Variants in FER1L6 observed in about 807,000 individuals in gnomAD.
FER1L6 encodes the protein fer-1 like family member 6.
FER1L6 carries 177 observed loss-of-function variants against 219.2 expected under a neutral mutation model. The observed-to-expected ratio is 0.81, with a 90% CI of 0.71 to 0.91. The LOEUF is 0.91. Ranked by LOEUF, FER1L6 falls within the 40% of genes least tolerant of loss-of-function variation. The pLI is 0.00. For synonymous variants in FER1L6, 768 were observed against 824.3 expected (o/e 0.93, Z 1.17); for missense variants, 2,153 against 2,259.9 (o/e 0.95, Z 0.96).
Position 123,937,754 on chromosome 8 carries a change from A to G in FER1L6, c.-7-18238A>G, listed in dbSNP as rs564817293. ...CTTTTCAACAAATATTTAAATAATA[A>G]ACTTGCTTCACTTTTTCTATTTTAG... On this transcript the variant is annotated intron_variant, in intron 1 of 40. Transcript: ENST00000522917. Among the ~76,000 whole-genome samples the G allele has an allele frequency of 1.4e-3, 206 of 152,330 alleles. 1 individual carries two copies. Among genetic ancestry groups the G allele is most frequent in the African/African-American group, 4.8e-3 (200 of 41,582 alleles).
At chr8:123,867,473 A>G (rs1291092210) in intron 1 of FER1L6, among the ~76,000 whole-genome samples, 2 of 152,200 alleles carry the variant, frequency 1.3e-5, no homozygotes, top group Non-Finnish European at 2.9e-5. Context: ...TACAAGATGT[A>G]ATAGCGAGTA....
chr8:124,048,172 C>G (rs1819819882), intron 21 of FER1L6, among the ~76,000 whole-genome samples: 1 of 152,230 alleles, frequency 6.6e-6, no homozygotes, highest in Non-Finnish European at 1.5e-5. Flanking sequence ...TCCATCTCAA[C>G]CAAGTTTCCT....
At chr8:123,985,924 T>C in intron 11 of FER1L6, 144 bp from the exon 12 acceptor site, 1 of 602,734 alleles carries the variant, frequency 1.7e-6, no homozygotes, top group Non-Finnish European at 3.0e-6. Flanking sequence ...ATGTCTTATT[T>C]GGGGGGAAAC....
chr8:124,108,705 C>T (rs1266624242), intron 39 of FER1L6, among the ~76,000 whole-genome samples: 4 of 151,364 alleles, frequency 2.6e-5, no homozygotes, highest in Admixed American at 6.6e-5. Context: ...AATGAGACCC[C>T]GTCTCTACAA....
intron 22 of FER1L6, among the ~76,000 whole-genome samples, chr8:124,055,252 G>A (rs916241201): frequency 6.6e-6 from 1 of 152,080 alleles, no homozygotes; most frequent in African/African-American, 2.4e-5. Flanking sequence ...CAGCCTAGGC[G>A]ATATGGCGAG....
intron 31 of FER1L6, among the ~76,000 whole-genome samples, chr8:124,073,812 TAAAC>T (rs1821173405): frequency 6.6e-6 from 1 of 152,168 alleles, no homozygotes; most frequent in Non-Finnish European, 1.5e-5. Context: ...AGATATAAAA[TAAAC>T]AAAGGAACGG....
At position 123,870,855 on chromosome 8, in the gene FER1L6, A is replaced by G. The variant is rs547821131; in HGVS notation, c.-8+18670A>G. Among the ~76,000 whole-genome samples the G allele has an allele frequency of 3.3e-5, 5 of 152,344 alleles. No homozygotes were observed. In the East Asian group the frequency reaches 7.7e-4, roughly 23 times the overall value. On this transcript the variant is annotated intron_variant, in intron 1 of 40. Transcript: ENST00000522917. The stretch of plus-strand genomic sequence containing the variant: ...ATCCCAAGATGGGACACAGAACATG[A>G]GAAAATAATCTACCTGTATTAAAAA...
At position 123,935,768 on chromosome 8, in the gene FER1L6, CT is replaced by C. The variant is rs892852712; in HGVS notation, c.-7-20223del. Among the ~76,000 whole-genome samples, 133 of 152,236 alleles carry C rather than the reference CT, an allele frequency of 8.7e-4. 2 individuals are homozygous for C. Among genetic ancestry groups the C allele is most frequent in the Non-Finnish European group, 2.9e-4 (20 of 68,018 alleles). On this transcript the variant is annotated intron_variant, in intron 1 of 40. Transcript: ENST00000522917. ...AAATGATTTTATCCAGTGATTTTTA[CT>C]CTGCTTCATGAGCAATATGATGAGA...
In FER1L6 at chr8:124,118,946, T is replaced by C; in HGVS notation, c.5390+2T>C. ...GCCAGAGCCCCTGGCCAAGCCCAAGTGAGTGGAGTTGCTAGTGGGAACATC... is the reference window on the plus strand; with the variant it reads ...GCCAGAGCCCCTGGCCAAGCCCAAGCGAGTGGAGTTGCTAGTGGGAACATC... On this transcript the variant is annotated splice_donor_variant, in intron 40 of 40. Transcript: ENST00000522917. LOFTEE classifies it high-confidence loss of function. The C allele has an allele frequency of 6.2e-7, 1 of 1,610,126 alleles. No individual in the cohort carries two copies. The highest frequency in any genetic ancestry group is 8.5e-7 in the Non-Finnish European group (1 of 1,178,234).
chr8:123,853,359 C>T lies in FER1L6; in HGVS notation c.-8+1174C>T, dbSNP rs11773919. Among the ~76,000 whole-genome samples the T allele has an allele frequency of 0.47, 71,111 of 151,796 alleles. 17,346 individuals are homozygous for T. Among genetic ancestry groups the T allele is most frequent in the Non-Finnish European group, 0.52 (35,467 of 67,926 alleles). ...TAGAGAAGACGGGGTTTCACCATGA[C>T]GGCCAGGATGGTCTCAAACTTCTGA... On this transcript the variant is annotated intron_variant, in intron 1 of 40. Transcript: ENST00000522917. The surrounding 1 kb of genome is among the most constrained non-coding windows in gnomAD (Gnocchi z 6.6).
intron 1 of FER1L6, among the ~76,000 whole-genome samples, chr8:123,909,257 G>C (rs1813009295): frequency 6.6e-6 from 1 of 152,122 alleles, no homozygotes; most frequent in Non-Finnish European, 1.5e-5. Flanking sequence ...ATGGGGACAT[G>C]AGTGTGTGGG....
chr8:124,033,349 T>G (rs1393173675), intron 18 of FER1L6, among the ~76,000 whole-genome samples: 1 of 152,236 alleles, frequency 6.6e-6, no homozygotes, highest in Non-Finnish European at 1.5e-5. Context: ...CAATACGTAT[T>G]AATTTTATTT....
rs1246955825 is a variant in FER1L6 at position 124,049,728 on chromosome 8, A to T, written c.2846A>T (p.Asp949Val). Residue 949 changes from aspartate (D) to valine (V), a missense_variant, in exon 22 of 41, where the codon GAT (aspartate) becomes GTT (valine). Asp to Val is a radical substitution (Grantham distance 152). Transcript: ENST00000522917. The part of the protein sequence containing the change: ...PIFCGNLSGG[D>V]LLAVFELLQV... ...TTTTGTGGGAATCTCTCTGGAGGGG[A>T]TCTCCTTGCTGTATTTGAACTGCTG... The T allele has an allele frequency of 3.1e-6, 5 of 1,613,768 alleles. No individual in the cohort carries two copies. In the African/African-American group the frequency reaches 6.7e-5, roughly 22 times the overall value.
chr8:124,070,143 C>CA (rs750606248), intron 29 of FER1L6, among the ~76,000 whole-genome samples: 12 of 152,306 alleles, frequency 7.9e-5, no homozygotes, highest in Non-Finnish European at 1.6e-4. Context: ...TGAATCTCCT[C>CA]AAAGTATTAT....
At chr8:124,087,258 C>T (rs765055699) in intron 33 of FER1L6, among the ~76,000 whole-genome samples, 11 of 150,538 alleles carry the variant, frequency 7.3e-5, no homozygotes, top group Non-Finnish European at 1.3e-4. Context: ...TGTAGGCATG[C>T]TTCATTCTTT....
intron 1 of FER1L6, among the ~76,000 whole-genome samples, chr8:123,875,841 T>G (rs1045022185): frequency 6.6e-6 from 1 of 152,174 alleles, no homozygotes; most frequent in Non-Finnish European, 1.5e-5. Context: ...TCCTGCAGGC[T>G]CTCCCTTCAG....
intron 18 of FER1L6, among the ~76,000 whole-genome samples, chr8:124,032,362 C>T (rs1338239112): frequency 2.6e-5 from 4 of 151,954 alleles, no homozygotes; most frequent in Non-Finnish European, 4.4e-5. Flanking sequence ...GAGGCAGAGG[C>T]TGCAGTGAGC....
chr8:124,005,018 C>T (rs893716622), intron 13 of FER1L6, among the ~76,000 whole-genome samples: 7 of 150,896 alleles, frequency 4.6e-5, no homozygotes, highest in South Asian at 2.1e-4. Flanking sequence ...AAAAAATCGT[C>T]AACTGTTCTC....
intron 1 of FER1L6, among the ~76,000 whole-genome samples, chr8:123,903,634 A>G (rs532583084): frequency 2.0e-5 from 3 of 152,230 alleles, no homozygotes; most frequent in Admixed American, 1.3e-4. Context: ...TTTTTCCTAA[A>G]TGGGAAATGA....
Sources: gnomAD v4.1 joint callset for allele counts (sites outside exome capture counted in the v4.1 genomes callset) on GRCh38, gnomAD v4.1.1 for gene constraint, Gnocchi (gnomAD v3.1) non-coding constraint, MANE v1.5 for transcripts, NCBI Gene and HGNC (gene_info 2026-07-23, HGNC 2026-07-21) for gene names.